NRG1: variants seen among roughly 807,000 people sequenced by gnomAD.
The protein encoded by NRG1 is pro-neuregulin-1, membrane-bound isoform.
In NRG1, 18 loss-of-function variants were observed where a neutral mutation model predicts 63.8. The ratio of observed to expected loss-of-function variants is 0.28; its 90% CI spans 0.19 to 0.42. The LOEUF is 0.42. NRG1 is among the 10% of genes least tolerant of loss of function. The probability of loss-of-function intolerance (pLI) is 1.00; values close to 1 mark genes in which losing one functional copy is unlikely to be tolerated. For synonymous variants in NRG1, 302 were observed against 301.3 expected (o/e 1.00, Z -0.02); for missense variants, 762 against 814.7 (o/e 0.94, Z 0.79).
Position 31,651,367 on chromosome 8 carries a change from G to A in NRG1, c.37+11936G>A, listed in dbSNP as rs1285933995. On this transcript the variant is annotated intron_variant, in intron 1 of 10. Transcript: ENST00000519301. Reference sequence around the variant, plus strand: ...GAATGAGAAAGTTCAGTCATTTGTGGTGCTAAAATGAAAAAATAAAGATTT... The same window carrying A: ...GAATGAGAAAGTTCAGTCATTTGTGATGCTAAAATGAAAAAATAAAGATTT... 2.0e-5 allele frequency among the ~76,000 whole-genome samples: 3 copies of A among 152,322 alleles called. No homozygotes were observed. The East Asian group carries it at 5.8e-4, about 29-fold the overall frequency.
chr8:31,804,843 T>C (rs1822120835), intron 1 of NRG1, among the ~76,000 whole-genome samples: 1 of 152,178 alleles, frequency 6.6e-6, no homozygotes, highest in Non-Finnish European at 1.5e-5. Context: ...CCTTGATTAG[T>C]GTATGATTAA....
At chr8:32,625,629 A>G (rs935742369) in intron 5 of NRG1, among the ~76,000 whole-genome samples, 2 of 152,162 alleles carry the variant, frequency 1.3e-5, no homozygotes, top group African/African-American at 4.8e-5. Context: ...CATTATTTCA[A>G]TGGTAGGGAA....
At chr8:32,633,200 A>C (rs1021274905) in intron 5 of NRG1, among the ~76,000 whole-genome samples, 10 of 152,226 alleles carry the variant, frequency 6.6e-5, no homozygotes, top group African/African-American at 2.2e-4. Context: ...GATAATAATA[A>C]ACTGTATTAA....
intron 1 of NRG1, among the ~76,000 whole-genome samples, chr8:31,846,149 C>G (rs1178864993): frequency 1.3e-5 from 2 of 152,182 alleles, no homozygotes; most frequent in South Asian, 2.1e-4. Flanking sequence ...GATTTTCATT[C>G]ATTTCTTCCT....
At chr8:32,389,905 G>T (rs1315582716) in intron 1 of NRG1, among the ~76,000 whole-genome samples, 1 of 152,140 alleles carries the variant, frequency 6.6e-6, no homozygotes, top group East Asian at 1.9e-4. Flanking sequence ...GGTTACAGGT[G>T]CATGCCACCA....
At chr8:31,742,455 A>ATTTTTTTTTTTTT (rs36040084) in intron 1 of NRG1, among the ~76,000 whole-genome samples, 2,106 of 79,822 alleles carry the variant, frequency 0.026, 198 homozygotes, top group Admixed American at 0.043. Context: ...TTTTTTAAGA[A>ATTTTTTTTTTTTT]TTTTTTTTTT....
intron 5 of NRG1, among the ~76,000 whole-genome samples, chr8:32,685,665 A>C (rs1000501158): frequency 6.6e-6 from 1 of 152,224 alleles, no homozygotes; most frequent in Non-Finnish European, 1.5e-5. Flanking sequence ...AAAAATATCT[A>C]CCAAGAACAC....
At chr8:32,144,557 G>C (rs1023175548) in intron 1 of NRG1, among the ~76,000 whole-genome samples, 2 of 152,144 alleles carry the variant, frequency 1.3e-5, no homozygotes, top group East Asian at 3.9e-4. Flanking sequence ...AATTCACCAG[G>C]TAATTCACCT....
At chr8:32,694,427 C>T (rs1812694906) in intron 5 of NRG1, among the ~76,000 whole-genome samples, 1 of 152,044 alleles carries the variant, frequency 6.6e-6, no homozygotes, top group South Asian at 2.1e-4. Flanking sequence ...TATTTAGTCT[C>T]GTGAGGTGCT....
chr8:32,566,075 C>A (rs115652858), intron 1 of NRG1, among the ~76,000 whole-genome samples: 5 of 152,114 alleles, frequency 3.3e-5, no homozygotes, highest in Middle Eastern at 3.4e-3. Flanking sequence ...TGTGTCTGGC[C>A]GGACACGGTG....
At chr8:31,899,645 T>C (rs1001159543) in intron 1 of NRG1, among the ~76,000 whole-genome samples, 8 of 152,208 alleles carry the variant, frequency 5.3e-5, no homozygotes, top group Non-Finnish European at 8.8e-5. Context: ...CCTCAGCCTA[T>C]ACTTGGCTAC....
chr8:32,730,820 C>G (rs1483243154), intron 6 of NRG1, among the ~76,000 whole-genome samples: 1 of 152,038 alleles, frequency 6.6e-6, no homozygotes, highest in Admixed American at 6.5e-5. Flanking sequence ...ATGGGGAAAC[C>G]TTGTTATTTT....
chr8:32,421,291 G>C (rs947284017), intron 1 of NRG1, among the ~76,000 whole-genome samples: 1 of 152,212 alleles, frequency 6.6e-6, no homozygotes, highest in Non-Finnish European at 1.5e-5. Flanking sequence ...AGTAGGGTAG[G>C]GAAGGGACCA....
chr8:32,494,995 C>CA (rs1277549386), intron 1 of NRG1, among the ~76,000 whole-genome samples: 21 of 152,088 alleles, frequency 1.4e-4, no homozygotes, highest in Admixed American at 8.5e-4. Flanking sequence ...AAGAAAACTA[C>CA]AAAAAAATAC....
At chr8:32,560,892 A>G (rs1485393421) in intron 1 of NRG1, among the ~76,000 whole-genome samples, 1 of 152,154 alleles carries the variant, frequency 6.6e-6, no homozygotes, top group African/African-American at 2.4e-5. Context: ...TGCTATGTTA[A>G]GAGTTTGTTA....
chr8:32,614,700 C>T (rs1847014873), intron 4 of NRG1, 136 bp downstream of exon 4: 1 of 776,638 alleles, frequency 1.3e-6, no homozygotes, highest in Non-Finnish European at 2.1e-6. Flanking sequence ...ATATTTTTCT[C>T]AACCTTGTTC....
intron 1 of NRG1, among the ~76,000 whole-genome samples, chr8:31,981,278 A>T (rs1825132): frequency 0.85 from 128,785 of 151,984 alleles, 55,448 homozygotes; most frequent in African/African-American, 0.96. Context: ...TGTATTTGAA[A>T]GTATATTCTT....
chr8:31,823,119 T>C (rs1336108667), intron 1 of NRG1, among the ~76,000 whole-genome samples: 10 of 5,882 alleles, frequency 1.7e-3, no homozygotes, highest in African/African-American at 4.8e-3. Flanking sequence ...TCCTTGTTCT[T>C]TTTTTTTTTT....
chr8:31,902,600 G>A (rs1832175561), intron 1 of NRG1, among the ~76,000 whole-genome samples: 1 of 151,978 alleles, frequency 6.6e-6, no homozygotes, highest in Non-Finnish European at 1.5e-5. Flanking sequence ...TGAAAAGGAT[G>A]GGTACAAAAG....
Sources: gnomAD v4.1 joint callset for allele counts (sites outside exome capture counted in the v4.1 genomes callset) on GRCh38, gnomAD v4.1.1 for gene constraint, MANE v1.5 for transcripts, NCBI Gene and HGNC (gene_info 2026-07-23, HGNC 2026-07-21) for gene names.